RARB: variants seen among roughly 807,000 people sequenced by gnomAD.
The protein encoded by RARB is HBV-activated protein.
A neutral mutation model predicts 51.9 loss-of-function variants in RARB; 17 were observed. The observed-to-expected ratio is 0.33, with a 90% CI of 0.22 to 0.49. The LOEUF (loss-of-function observed/expected upper bound fraction) is 0.49, where lower values mean the gene tolerates loss of function less well. Among genes scored for constraint, RARB ranks in the 20% least tolerant of loss-of-function variants. The pLI is 0.99. For missense variants in RARB, 369 were observed against 550.8 expected (o/e 0.67, Z 3.30); for synonymous variants, 215 against 195.4 (o/e 1.10, Z -0.84).
chr3:25,417,352 G>A (rs1707731510), intron 5 of RARB, among the ~76,000 whole-genome samples: 1 of 152,068 alleles, frequency 6.6e-6, no homozygotes, highest in African/African-American at 2.4e-5. Flanking sequence ...AGAAAAGTAG[G>A]TCAGTGATAT....
chr3:25,119,581 A>G (rs1699745642), intron 3 of RARB, among the ~76,000 whole-genome samples: 3 of 151,982 alleles, frequency 2.0e-5, no homozygotes, highest in Non-Finnish European at 4.4e-5. Flanking sequence ...GCAGCACAGG[A>G]CAGGTGGTAG....
At chr3:24,976,163 C>G (rs1303968735) in intron 2 of RARB, among the ~76,000 whole-genome samples, 2 of 152,126 alleles carry the variant, frequency 1.3e-5, no homozygotes, top group African/African-American at 4.8e-5. Context: ...TTAATCTAGT[C>G]TATTATTGAT....
chr3:25,351,835 A>G (rs775996775), intron 5 of RARB, among the ~76,000 whole-genome samples: 1 of 152,130 alleles, frequency 6.6e-6, no homozygotes, highest in Non-Finnish European at 1.5e-5. Flanking sequence ...CAAGGAGGCC[A>G]TCTGGCTAAG....
At chr3:25,295,898 G>A (rs1261362988) in intron 5 of RARB, among the ~76,000 whole-genome samples, 2 of 152,206 alleles carry the variant, frequency 1.3e-5, no homozygotes, top group African/African-American at 2.4e-5. Context: ...GAATTCTGAA[G>A]TATCAGGACG....
chr3:25,097,184 GAAACT>G (rs950270946), intron 3 of RARB, among the ~76,000 whole-genome samples: 1 of 152,144 alleles, frequency 6.6e-6, no homozygotes, highest in Non-Finnish European at 1.5e-5. Flanking sequence ...AAGAACCACT[GAAACT>G]AAACAATACA....
chr3:24,962,503 C>G (rs1047211250), intron 2 of RARB, among the ~76,000 whole-genome samples: 2 of 152,188 alleles, frequency 1.3e-5, no homozygotes, highest in African/African-American at 4.8e-5. Flanking sequence ...CCCCAATCCC[C>G]GGGCCACAGA....
chr3:25,044,312 T>G (rs1698171775), intron 2 of RARB, among the ~76,000 whole-genome samples: 3 of 152,192 alleles, frequency 2.0e-5, no homozygotes, highest in African/African-American at 7.2e-5. Flanking sequence ...ATTGGCCTTG[T>G]GTCAACTTTT....
chr3:25,237,924 G>C (rs1350173330), intron 5 of RARB, among the ~76,000 whole-genome samples: 19 of 152,022 alleles, frequency 1.2e-4, no homozygotes, highest in Admixed American at 1.2e-3. Flanking sequence ...TATATAGAGA[G>C]AGTACATGTG....
chr3:25,379,936 G>A (rs116442862), intron 5 of RARB, among the ~76,000 whole-genome samples: 2,893 of 152,182 alleles, frequency 0.019, 51 homozygotes, highest in African/African-American at 0.045. Flanking sequence ...GGGAACTGTG[G>A]GAAGAGGGAG....
intron 2 of RARB, among the ~76,000 whole-genome samples, chr3:24,903,881 G>A (rs1050171048): frequency 6.6e-6 from 1 of 152,110 alleles, no homozygotes; most frequent in African/African-American, 2.4e-5. Flanking sequence ...ATTTTAATGT[G>A]ATAAGTTATA....
chr3:25,312,679 T>A (rs1241441984), intron 5 of RARB, among the ~76,000 whole-genome samples: 2 of 152,206 alleles, frequency 1.3e-5, no homozygotes, highest in African/African-American at 4.8e-5. Context: ...CAAAGTTTTT[T>A]TCAATTTTTA....
rs562025137 is a variant in RARB, at chr3:24,883,906, T to G, written c.-380+25154T>G. Among the ~76,000 whole-genome samples the G allele has an allele frequency of 3.3e-5, 5 of 152,300 alleles. No individual in the cohort carries two copies. In the South Asian group the frequency reaches 1.0e-3, roughly 32 times the overall value. ...TATGTATCATATCAAATTTCTCATT[T>G]TAGGCTCTATGTGGTTATTTAATTT... On this transcript the variant is annotated intron_variant, in intron 2 of 11. Coordinates refer to the RARB transcript ENST00000383772.
intron 5 of RARB, among the ~76,000 whole-genome samples, chr3:25,309,936 A>G (rs1427938137): frequency 6.6e-6 from 1 of 152,210 alleles, no homozygotes; most frequent in East Asian, 1.9e-4. Context: ...AACTAAAGGC[A>G]CTGAAAGCAA....
chr3:25,557,741 C>G (rs1700118993), intron 3 of RARB, among the ~76,000 whole-genome samples: 2 of 152,152 alleles, frequency 1.3e-5, no homozygotes, highest in African/African-American at 4.8e-5. Context: ...TCACCATGAA[C>G]AGTGACTCGT....
intron 2 of RARB, among the ~76,000 whole-genome samples, chr3:24,943,034 C>A (rs1401522573): frequency 6.6e-6 from 1 of 152,240 alleles, no homozygotes; most frequent in Non-Finnish European, 1.5e-5. Context: ...CTACCACAAT[C>A]CAAAGAAAGA....
At chr3:25,078,329 A>T (rs1238453803) in intron 3 of RARB, among the ~76,000 whole-genome samples, 1 of 152,094 alleles carries the variant, frequency 6.6e-6, no homozygotes, top group Non-Finnish European at 1.5e-5. Flanking sequence ...GTTCGTTATT[A>T]ATACTCAGTT....
intron 5 of RARB, among the ~76,000 whole-genome samples, chr3:25,395,649 A>G (rs1707093010): frequency 6.6e-6 from 1 of 152,110 alleles, no homozygotes; most frequent in East Asian, 1.9e-4. Context: ...AAGCCCTGTC[A>G]TCAAGCTCTG....
At chr3:24,961,583 T>G (rs1294609710) in intron 2 of RARB, among the ~76,000 whole-genome samples, 8 of 145,122 alleles carry the variant, frequency 5.5e-5, no homozygotes, top group Admixed American at 4.1e-4. Flanking sequence ...TCCAGGTTGT[T>G]CAGACAGATG....
chr3:24,904,185 T>C (rs536660348), intron 2 of RARB, among the ~76,000 whole-genome samples: 1 of 152,298 alleles, frequency 6.6e-6, no homozygotes, highest in South Asian at 2.1e-4. Flanking sequence ...AACTGTCTTA[T>C]CTTTAAAATG....
Sources: allele counts gnomAD v4.1 joint callset (sites outside exome capture counted in the v4.1 genomes callset), GRCh38; gene constraint gnomAD v4.1.1; transcripts MANE v1.5; gene names NCBI Gene and HGNC (gene_info 2026-07-23, HGNC 2026-07-21).